Variants in SCAF4 observed in about 807,000 individuals in gnomAD.
SCAF4 encodes SR-related and CTD-associated factor 4.
SCAF4 carries 25 observed loss-of-function variants against 129.8 expected under a neutral mutation model. The ratio of observed to expected loss-of-function variants is 0.19; its 90% CI spans 0.14 to 0.27. The LOEUF (loss-of-function observed/expected upper bound fraction) is 0.27, where lower values mean the gene tolerates loss of function less well. Among genes scored for constraint, SCAF4 ranks in the 10% least tolerant of loss-of-function variants. The pLI is 1.00. For missense variants in SCAF4, 1,246 were observed against 1,457.1 expected (o/e 0.86, Z 2.36); for synonymous variants, 551 against 497.7 (o/e 1.11, Z -1.43).
intron 1 of SCAF4, among the ~76,000 whole-genome samples, chr21:31,730,710 A>T (rs1358917332): frequency 1.3e-5 from 2 of 152,224 alleles, no homozygotes; most frequent in Non-Finnish European, 2.9e-5. Context: ...ATCAATGGTC[A>T]AGTCTCCTCC....
At chr21:31,701,990 C>T in intron 5 of SCAF4, 72 bp from the exon 6 acceptor site, 1 of 1,536,908 alleles carries the variant, frequency 6.5e-7, no homozygotes, top group Non-Finnish European at 8.9e-7. Context: ...AGCTTCTTTG[C>T]TAAAATAACA....
chr21:31,717,794 C>CAA (rs1231162833), intron 1 of SCAF4, among the ~76,000 whole-genome samples: 52 of 97,226 alleles, frequency 5.3e-4, no homozygotes, highest in African/African-American at 1.9e-3. Context: ...ATACACTGTG[C>CAA]AAAAAAAAAA....
intron 6 of SCAF4, 50 bp downstream of exon 6, chr21:31,701,726 C>T: frequency 6.5e-7 from 1 of 1,542,406 alleles, no homozygotes; most frequent in Non-Finnish European, 8.7e-7. Context: ...CAAGAAGTGA[C>T]AACAGTACCT....
rs890046651 is a variant in SCAF4 at position 31,690,733 on chromosome 21, C to T, written c.1885+64G>A. On this transcript the variant is annotated intron_variant, in intron 15 of 19. Transcript: ENST00000286835. ...GTCCTAATGCAAGGAACAGGACATT[C>T]GATTTGTCATATGTACTACCAAGCA... 9.7e-6 allele frequency: 14 copies of T among 1,449,842 alleles called. No individual in the cohort carries two copies. In the Admixed American group the frequency reaches 1.2e-4, roughly 12 times the overall value. 89.8% of individuals were successfully genotyped at this position (1,449,842 alleles called of 1,614,324 possible). A position where few individuals can be genotyped will look rare whatever the true frequency, so the allele number is the denominator to read the frequency against.
At position 31,688,419 on chromosome 21, in the gene SCAF4, T is replaced by C. The variant is rs747890570; in HGVS notation, c.1931A>G (p.Asn644Ser). ...TGTGTGTGAGGTTTCAGCACCTCCA[T>C]TTTGAGCAACTTCATTTTCAGGCTT... ...PKKPENEVAQ[N>S]GGAETSHTEP... The change falls in exon 16 of 20, where the codon AAT (asparagine) becomes AGT (serine). Residue 644 changes from asparagine to serine, a missense_variant. Physicochemically the swap from Asn to Ser is conservative, Grantham distance 46. This residue lies in a region of SCAF4 where 468 missense variants were observed against 605.5 expected (regional missense o/e 0.77). Coordinates refer to ENST00000286835, the MANE Select transcript of SCAF4 (RefSeq NM_020706.2). 6.2e-6 allele frequency: 10 copies of C among 1,614,036 alleles called. No individual in the cohort carries two copies. The highest frequency in any genetic ancestry group is 1.7e-5 in the Admixed American group (1 of 60,016).
At position 31,678,390 on chromosome 21, in the gene SCAF4, A is replaced by G. The variant is rs78799405; in HGVS notation, c.2489-6036T>C. 4.5e-3 allele frequency among the ~76,000 whole-genome samples: 685 copies of G among 152,162 alleles called. 3 individuals are homozygous for G. Among genetic ancestry groups the G allele is most frequent in the African/African-American group, 0.016 (645 of 41,522 alleles). On this transcript the variant is annotated intron_variant, in intron 19 of 19. Coordinates refer to ENST00000286835, the MANE Select transcript of SCAF4 (RefSeq NM_020706.2). ...AAATATCTTCAGACTCTAACCACTTATCACCTCCATTGCACCAGCCCAACG... is the reference window on the plus strand; with the variant it reads ...AAATATCTTCAGACTCTAACCACTTGTCACCTCCATTGCACCAGCCCAACG...
rs1046183763 is a variant in SCAF4, at chr21:31,731,926, A to C, written c.-234T>G. Reference sequence around the variant, plus strand: ...TCCCGTTCGCAGGATGAGGAAAAGGAGGCGGCGGCAGCGCTGGTCTTCAAC... The same window carrying C: ...TCCCGTTCGCAGGATGAGGAAAAGGCGGCGGCGGCAGCGCTGGTCTTCAAC... On this transcript the variant is annotated 5_prime_UTR_variant, in exon 1 of 20. Coordinates refer to ENST00000286835, the MANE Select transcript of SCAF4 (RefSeq NM_020706.2). The C allele has an allele frequency of 6.1e-6, 3 of 487,940 alleles. No homozygotes were observed. In the African/African-American group the frequency reaches 6.2e-5, roughly 10 times the overall value. The allele number at this position is 487,940 out of a possible 1,614,324, so 30.2% of individuals were successfully genotyped here.
intron 1 of SCAF4, among the ~76,000 whole-genome samples, chr21:31,714,191 C>T (rs962417315): frequency 6.6e-6 from 1 of 152,072 alleles, no homozygotes; most frequent in South Asian, 2.1e-4. Flanking sequence ...TGGAATGACT[C>T]GTACTATGTC....
chr21:31,714,815 G>A (rs181229564), intron 1 of SCAF4, among the ~76,000 whole-genome samples: 153 of 152,326 alleles, frequency 1.0e-3, no homozygotes, highest in Non-Finnish European at 1.7e-3. Flanking sequence ...GATAATGTAT[G>A]TAAATCTCTT....
At position 31,690,857 on chromosome 21, in the gene SCAF4, G is replaced by A. The variant is rs370266812; in HGVS notation, c.1825C>T (p.Pro609Ser). ...VTYIPWDKVK[P>S]EELESFCEGG... is the part of the protein sequence containing the mutation. ...TCACAAAAACTCTCCAGTTCCTCAG[G>A]CTTGACTTTGTCCCATGGAATATAA... Residue 609 changes from proline (P) to serine (S), a missense_variant, in exon 15 of 20, where the codon CCT becomes TCT. Physicochemically the swap from Pro to Ser is moderately conservative, Grantham distance 74. Transcript: ENST00000286835. The A allele has an allele frequency of 2.0e-5, 32 of 1,613,756 alleles. No homozygotes were observed. In the East Asian group the frequency reaches 6.0e-4, roughly 30 times the overall value.
rs1365576045 is a variant in SCAF4 at position 31,694,960 on chromosome 21, T to A, written c.1089A>T (p.Gly363=). The change falls in exon 10 of 20, where the codon GGA becomes GGT. Residue 363 remains glycine (G), a synonymous_variant. Coordinates refer to ENST00000286835, the MANE Select transcript of SCAF4 (RefSeq NM_020706.2). ...GAAGAAGTCCAAATCCTGGCATTTG[T>A]CCATTAGGAGGAAGTGGAACCTTTC... ...MHHQVPLPPN[G]QMPGFGLLPT... The A allele has an allele frequency of 1.2e-6, 2 of 1,614,022 alleles. No individual in the cohort carries two copies. The highest frequency in any genetic ancestry group is 1.7e-6 in the Non-Finnish European group (2 of 1,179,890).
chr21:31,685,881 T>A, intron 16 of SCAF4, 148 bp from the exon 17 acceptor site: 1 of 735,690 alleles, frequency 1.4e-6, no homozygotes, highest in Non-Finnish European at 2.2e-6. Flanking sequence ...AGGTGGTAGT[T>A]AACTTCTATT....
At chr21:31,682,339 A>C (rs943270549) in intron 19 of SCAF4, among the ~76,000 whole-genome samples, 4 of 151,864 alleles carry the variant, frequency 2.6e-5, no homozygotes, top group African/African-American at 9.7e-5. Flanking sequence ...AGATTGCGCC[A>C]CTGCACTCCA....
intron 7 of SCAF4, among the ~76,000 whole-genome samples, chr21:31,700,108 A>G (rs1445025330): frequency 6.6e-6 from 1 of 151,954 alleles, no homozygotes; most frequent in Non-Finnish European, 1.5e-5. Flanking sequence ...CTACAGGTGC[A>G]CACCACCATA....
intron 1 of SCAF4, among the ~76,000 whole-genome samples, chr21:31,717,870 C>CACACACAT (rs1555853934): frequency 5.6e-5 from 7 of 124,842 alleles, no homozygotes; most frequent in African/African-American, 2.4e-4. Context: ...CACACACACA[C>CACACACAT]ATATACACAT....
chr21:31,705,618 TAA>T (rs1280835105), intron 2 of SCAF4, 151 bp from the exon 3 acceptor site: 3 of 339,024 alleles, frequency 8.8e-6, no homozygotes, highest in East Asian at 8.7e-5. Context: ...AATTTAATAT[TAA>T]AAAACTCAGA....
In SCAF4 at chr21:31,688,447, T is replaced by C. The variant is rs1404041225; in HGVS notation, c.1903A>G (p.Lys635Glu). The C allele has an allele frequency of 1.9e-6, 3 of 1,613,918 alleles. No homozygotes were observed. Among genetic ancestry groups the C allele is most frequent in the Non-Finnish European group, 2.5e-6 (3 of 1,179,878 alleles). Reference sequence around the variant, plus strand: ...TGAGCAACTTCATTTTCAGGCTTCTTAGGAATTCCTTTCCAATCTGTGAGC... The same window carrying C: ...TGAGCAACTTCATTTTCAGGCTTCTCAGGAATTCCTTTCCAATCTGTGAGC... Reference protein sequence around the residue: ...TLNPDWKGIPKKPENEVAQNG... With the variant: ...TLNPDWKGIPEKPENEVAQNG... Residue 635 changes from lysine (K) to glutamate (E), a missense_variant, in exon 16 of 20, where the codon AAG becomes GAG. Coordinates refer to ENST00000286835, the MANE Select transcript of SCAF4 (RefSeq NM_020706.2).
At chr21:31,673,680 C>A (rs565075371) in intron 19 of SCAF4, among the ~76,000 whole-genome samples, 1 of 152,202 alleles carries the variant, frequency 6.6e-6, no homozygotes, top group Non-Finnish European at 1.5e-5. Context: ...TACACTGGGG[C>A]AACAGAAGCA....
At chr21:31,723,290 T>G (rs2051115829) in intron 1 of SCAF4, among the ~76,000 whole-genome samples, 1 of 151,774 alleles carries the variant, frequency 6.6e-6, no homozygotes. Flanking sequence ...CGTCCCTACT[T>G]AAAATACAAA....
Sources: allele counts gnomAD v4.1 joint callset (sites outside exome capture counted in the v4.1 genomes callset), GRCh38; gene constraint gnomAD v4.1.1; regional missense constraint gnomAD v4.1.1; transcripts MANE v1.5; gene names NCBI Gene and HGNC (gene_info 2026-07-23, HGNC 2026-07-21).